Variants in UGGT1 observed in about 807,000 individuals in gnomAD.
UGGT1 encodes UDP-glucose:glycoprotein glucosyltransferase 1.
A neutral mutation model predicts 203.9 loss-of-function variants in UGGT1; 107 were observed. The observed-to-expected ratio is 0.52, with a 90% confidence interval of 0.45 to 0.62. UGGT1 has a LOEUF of 0.62. UGGT1 is among the 20% of genes least tolerant of loss of function. UGGT1 has a pLI of 0.00. For missense variants in UGGT1, 1,673 were observed against 1,867.2 expected, an observed-to-expected ratio of 0.90 and a Z score of 1.92; for synonymous variants, 628 against 653.5, an observed-to-expected ratio of 0.96 and a Z score of 0.59.
At chr2:128,123,943 CTTGTTT>C (rs1243757618) in intron 11 of UGGT1, among the ~76,000 whole-genome samples, 2 of 152,080 alleles carry the variant, frequency 1.3e-5, no homozygotes, top group Admixed American at 1.3e-4. Context: ...CAACTTTCTA[CTTGTTT>C]TTGTTTTTGT....
At chr2:128,170,703 AAT>A (rs1480744345) in intron 27 of UGGT1, among the ~76,000 whole-genome samples, 2 of 152,324 alleles carry the variant, frequency 1.3e-5, no homozygotes, top group South Asian at 2.1e-4. Flanking sequence ...AGATAAAATA[AAT>A]ATGTTTTTTC....
chr2:128,109,900 G>C (rs924873661), intron 5 of UGGT1, among the ~76,000 whole-genome samples, 154 bp downstream of exon 5: 1 of 152,134 alleles, frequency 6.6e-6, no homozygotes, highest in African/African-American at 2.4e-5. Flanking sequence ...TTGAATCTCA[G>C]CTCCGTCACT....
At chr2:128,178,999 G>A (rs1691546580) in intron 34 of UGGT1, among the ~76,000 whole-genome samples, 1 of 152,130 alleles carries the variant, frequency 6.6e-6, no homozygotes. Flanking sequence ...TTATAAACAG[G>A]CTGAGGCCCC....
chr2:128,117,960 TTGTGTGTGTGTGTGTGTCTG>T (rs1344391411), intron 8 of UGGT1, among the ~76,000 whole-genome samples: 1 of 29,232 alleles, frequency 3.4e-5, no homozygotes, highest in East Asian at 6.3e-4. Context: ...TTAGGACATT[TTGTGTGTGTGTGTGTGTCTG>T]TGTGTGTGTG....
At chr2:128,173,743 C>T in intron 29 of UGGT1, 38 bp from the exon 30 acceptor site, 1 of 1,606,716 alleles carries the variant, frequency 6.2e-7, no homozygotes, top group Non-Finnish European at 8.5e-7. Flanking sequence ...TTCATGTTGT[C>T]TCTGAGTGCA....
At chr2:128,103,633 G>A (rs1687478741) in intron 2 of UGGT1, among the ~76,000 whole-genome samples, 2 of 151,570 alleles carry the variant, frequency 1.3e-5, no homozygotes, top group Admixed American at 6.6e-5. Flanking sequence ...TTGTCAATGG[G>A]GTTTCATAAG....
intron 25 of UGGT1, among the ~76,000 whole-genome samples, chr2:128,161,635 CAGGAA>C (rs1397793012): frequency 5.9e-5 from 9 of 152,048 alleles, no homozygotes; most frequent in African/African-American, 2.2e-4. Flanking sequence ...TTATTTTGTT[CAGGAA>C]AGGAAAGGCA....
chr2:128,158,967 A>G lies in UGGT1; in HGVS notation c.2356-547A>G, dbSNP rs1046629462. Among the ~76,000 whole-genome samples the G allele has an allele frequency of 3.3e-5, 5 of 152,096 alleles. No individual in the cohort carries two copies. The South Asian group carries it at 6.2e-4, about 19-fold the overall frequency. ...ACTCTGAGGGTCTGTAATTTATGCTATATTTACCGGGAAGGTAAGAAATGA... is the reference window on the plus strand; with the variant it reads ...ACTCTGAGGGTCTGTAATTTATGCTGTATTTACCGGGAAGGTAAGAAATGA... On this transcript the variant is annotated intron_variant, in intron 22 of 40. Coordinates refer to ENST00000259253, the MANE Select transcript of UGGT1 (RefSeq NM_020120.4).
intron 7 of UGGT1, 97 bp downstream of exon 7, chr2:128,115,317 G>C: frequency 2.7e-6 from 3 of 1,104,882 alleles, no homozygotes; most frequent in Non-Finnish European, 4.0e-6. Context: ...GGTGTATGCT[G>C]AACCTGTGTT....
intron 8 of UGGT1, among the ~76,000 whole-genome samples, chr2:128,116,690 A>G (rs956733032): frequency 1.3e-5 from 2 of 151,972 alleles, no homozygotes; most frequent in Non-Finnish European, 2.9e-5. Flanking sequence ...ACACCCGGCT[A>G]ATTTTTGTAT....
intron 25 of UGGT1, 26 bp downstream of exon 25, chr2:128,161,294 C>T (rs751805454): frequency 1.2e-6 from 2 of 1,609,984 alleles, no homozygotes; most frequent in Admixed American, 3.3e-5. Flanking sequence ...GGAGGAATTA[C>T]AGGGGTTATA....
Position 128,107,932 on chromosome 2 carries a change from T to C in UGGT1, c.278-6T>C. The C allele has an allele frequency of 1.2e-6, 2 of 1,614,158 alleles. No homozygotes were observed. Among genetic ancestry groups the C allele is most frequent in the Non-Finnish European group, 1.7e-6 (2 of 1,180,014 alleles). On this transcript the variant is annotated splice_polypyrimidine_tract_variant and splice_region_variant and intron_variant, in intron 3 of 40. Transcript: ENST00000259253. ...AATTACTTTGGTTAATGTTCTTCCTTGACAGGTACCGATTATTCCTACTAT... is the reference window on the plus strand; with the variant it reads ...AATTACTTTGGTTAATGTTCTTCCTCGACAGGTACCGATTATTCCTACTAT...
chr2:128,170,439 A>G (rs2104778624), intron 27 of UGGT1, 49 bp downstream of exon 27: 1 of 1,535,048 alleles, frequency 6.5e-7, no homozygotes, highest in Non-Finnish European at 9.0e-7. Context: ...TGAAGTTGTC[A>G]CATGCTCTGA....
chr2:128,133,390 T>G, intron 14 of UGGT1, 130 bp downstream of exon 14: 21 of 1,237,278 alleles, frequency 1.7e-5, no homozygotes, highest in Non-Finnish European at 2.4e-5. Flanking sequence ...CCAAATACTC[T>G]TCCCTGTTCA....
intron 19 of UGGT1, among the ~76,000 whole-genome samples, chr2:128,153,624 G>A (rs1434696538): frequency 6.6e-6 from 1 of 152,182 alleles, no homozygotes; most frequent in Non-Finnish European, 1.5e-5. Flanking sequence ...TGCCTGGCTT[G>A]TTTAATTTAG....
rs558784896 is a variant in UGGT1, at chr2:128,138,028, A to G, written c.1584-689A>G. On this transcript the variant is annotated intron_variant, in intron 15 of 40. Transcript: ENST00000259253. ...TCTCATACTGCATGTGCTAAATGTC[A>G]CAATCCCCCCCTTTCTGTTTACTTT... 3.0e-4 allele frequency among the ~76,000 whole-genome samples: 46 copies of G among 152,236 alleles called. 1 individual carries two copies. The highest frequency in any genetic ancestry group is 3.0e-3 in the Admixed American group (46 of 15,292).
At chr2:128,146,932 G>A (rs1689716706) in intron 18 of UGGT1, among the ~76,000 whole-genome samples, 1 of 152,128 alleles carries the variant, frequency 6.6e-6, no homozygotes, top group African/African-American at 2.4e-5. Flanking sequence ...TCTTTCTAGT[G>A]TTACCAGCCC....
At chr2:128,134,491 G>A (rs1045370336) in intron 14 of UGGT1, among the ~76,000 whole-genome samples, 1 of 152,240 alleles carries the variant, frequency 6.6e-6, no homozygotes, top group Non-Finnish European at 1.5e-5. Flanking sequence ...AGCTGTGGCT[G>A]TGGTCTAAGA....
chr2:128,137,224 T>C (rs1449741431), intron 15 of UGGT1, among the ~76,000 whole-genome samples: 1 of 152,152 alleles, frequency 6.6e-6, no homozygotes, highest in African/African-American at 2.4e-5. Context: ...GAGATCACCA[T>C]GGGCAACATG....
Sources: gnomAD v4.1 joint callset for allele counts (sites outside exome capture counted in the v4.1 genomes callset) on GRCh38, gnomAD v4.1.1 for gene constraint, MANE v1.5 for transcripts, NCBI Gene and HGNC (gene_info 2026-07-23, HGNC 2026-07-21) for gene names.